GRIN3B: variants seen among roughly 807,000 people sequenced by gnomAD.
GRIN3B encodes the protein glutamate ionotropic receptor NMDA type subunit 3B.
GRIN3B carries 77 observed loss-of-function variants against 66.0 expected under a neutral mutation model. The ratio of observed to expected loss-of-function variants is 1.17; its 90% CI spans 0.97 to 1.41. GRIN3B has a LOEUF of 1.41. Among genes scored for constraint, GRIN3B ranks in the 40% most tolerant of loss-of-function variants. The pLI, the probability that GRIN3B is intolerant of heterozygous loss-of-function variation, is 0.00. For missense variants in GRIN3B, 1,787 were observed against 1,564.5 expected, an observed-to-expected ratio of 1.14 and a Z score of -2.40; for synonymous variants, 823 against 749.7, an observed-to-expected ratio of 1.10 and a Z score of -1.60.
At position 1,009,401 on chromosome 19, in the gene GRIN3B, C is replaced by T. The variant is rs942284221; in HGVS notation, c.2931C>T (p.Ala977=). The T allele has an allele frequency of 2.3e-5, 32 of 1,420,374 alleles. No individual in the cohort carries two copies. The African/African-American group carries it at 4.4e-4, about 19-fold the overall frequency. 88.0% of individuals were successfully genotyped at this position (1,420,374 alleles called of 1,614,324 possible). A position where few individuals can be genotyped will look rare whatever the true frequency, so the allele number is the denominator to read the frequency against. Residue 977 remains alanine, a synonymous_variant, in exon 9 of 9, where the codon GCC becomes GCT. Coordinates refer to ENST00000234389, the MANE Select transcript of GRIN3B (RefSeq NM_138690.3). ...CGCCCGCCGCAAGGCCCACGGGGGCCCCCCAGCCCGGGGAGCTGCAGGAGC... is the reference window on the plus strand; with the variant it reads ...CGCCCGCCGCAAGGCCCACGGGGGCTCCCCAGCCCGGGGAGCTGCAGGAGC... ...GRPPAARPTG[A]PQPGELQELE... is the part of the protein sequence containing the mutation.
chr19:1,005,981 G>A lies in GRIN3B; in HGVS notation c.2052+428G>A, dbSNP rs113455649. On this transcript the variant is annotated intron_variant, in intron 3 of 8. Coordinates refer to ENST00000234389, the MANE Select transcript of GRIN3B (RefSeq NM_138690.3). The surrounding 1 kb of genome is among the most constrained non-coding windows in gnomAD (Gnocchi z 5.2). ...ATGGCACCATTGCACTCTAGCCTGG[G>A]CAACAGAGCAAGACTCCGTCTCAAA... Among the ~76,000 whole-genome samples, 44,713 of 151,920 alleles carry A rather than the reference G, an allele frequency of 0.29. 7,384 individuals are homozygous for A. The highest frequency in any genetic ancestry group is 0.37 in the Non-Finnish European group (25,473 of 67,936).
In GRIN3B at chr19:1,003,451, G is replaced by C. The variant is rs767682153; in HGVS notation, c.748G>C (p.Glu250Gln). The C allele has an allele frequency of 1.8e-5, 27 of 1,539,526 alleles. No individual in the cohort carries two copies. The highest frequency in any genetic ancestry group is 9.8e-5 in the Admixed American group (5 of 51,144). ...CATCGCCCGTGCCCGTCGGGTGCTG[G>C]AGGCCGTACCTCCCGGCCCCCACTG... is the stretch of plus-strand genomic sequence containing the variant. Reference protein sequence around the residue: ...CDIARARRVLEAVPPGPHWLL... With the variant: ...CDIARARRVLQAVPPGPHWLL... Residue 250 changes from glutamate (E) to glutamine (Q), a missense_variant, in exon 2 of 9, where the codon GAG (glutamate) becomes CAG (glutamine). Physicochemically the swap from Glu to Gln is conservative, Grantham distance 29. Transcript: ENST00000234389.
intron 1 of GRIN3B, chr19:1,002,895 C>T: frequency 2.4e-6 from 1 of 410,418 alleles, no homozygotes; most frequent in East Asian, 3.6e-5. Context: ...CAAAAAACAC[C>T]AAGTGTGCCC....
chr19:1,003,386 G>A lies in GRIN3B; in HGVS notation c.683G>A (p.Gly228Asp), dbSNP rs1272925343. 6.4e-6 allele frequency: 10 copies of A among 1,564,982 alleles called. No individual in the cohort carries two copies. The highest frequency in any genetic ancestry group is 2.7e-5 in the African/African-American group (2 of 73,788). ...GCCCCGATGGCGGCGCCAGTGGGGGGTGAAGCACCGGTACCCGCGGCGGTC... is the reference window on the plus strand; with the variant it reads ...GCCCCGATGGCGGCGCCAGTGGGGGATGAAGCACCGGTACCCGCGGCGGTC... Reference protein sequence around the residue: ...RLAPMAAPVGGEAPVPAAVLL... With the variant: ...RLAPMAAPVGDEAPVPAAVLL... The change falls in exon 2 of 9, where the codon GGT becomes GAT. Residue 228 changes from glycine (G) to aspartate (D), a missense_variant. Gly to Asp is a moderately conservative substitution (Grantham distance 94, BLOSUM62 -1). Coordinates refer to ENST00000234389, the MANE Select transcript of GRIN3B (RefSeq NM_138690.3).
In GRIN3B at chr19:1,004,730, G is replaced by T. The variant is rs755376191; in HGVS notation, c.1229G>T (p.Gly410Val). The T allele has an allele frequency of 8.1e-6, 13 of 1,607,308 alleles. No homozygotes were observed. Among genetic ancestry groups the T allele is most frequent in the South Asian group, 1.1e-5 (1 of 90,728 alleles). Residue 410 changes from glycine to valine, a missense_variant, in exon 3 of 9, where the codon GGT (glycine) becomes GTT (valine). By Grantham distance (109) the Gly-to-Val change is moderately radical. Coordinates refer to ENST00000234389, the MANE Select transcript of GRIN3B (RefSeq NM_138690.3). The part of the protein sequence containing the change: ...GASARPPPPQ[G>V]AQVWPKLRVV... Reference sequence around the variant, plus strand: ...TCTGCACGGCCCCCGCCCCCACAGGGTGCCCAGGTCTGGCCCAAGCTGCGT... The same window carrying T: ...TCTGCACGGCCCCCGCCCCCACAGGTTGCCCAGGTCTGGCCCAAGCTGCGT...
chr19:1,002,221 C>T (rs946192232), intron 1 of GRIN3B: 5 of 151,928 alleles, frequency 3.3e-5, no homozygotes, highest in African/African-American at 1.2e-4. Context: ...CCCAGCTACT[C>T]AGGATATATA....
rs1599458805 is a variant in GRIN3B at position 1,005,670 on chromosome 19, G to T, written c.2052+117G>T. On this transcript the variant is annotated intron_variant, in intron 3 of 8. Transcript: ENST00000234389. This position sits in a 1 kb window ranked among gnomAD's most constrained non-coding sequence, Gnocchi z 5.2. ...GGAGGACGTCCACTAGGCCAACTCT[G>T]GTCCCAAGAGACATTTATTCAATTA... 1 of 732,990 alleles carries T rather than the reference G, an allele frequency of 1.4e-6. No homozygotes were observed. Among genetic ancestry groups the T allele is most frequent in the East Asian group, 2.8e-5 (1 of 36,316 alleles). The allele number at this position is 732,990 out of a possible 1,614,324, so 45.4% of individuals were successfully genotyped here.
Position 1,005,394 on chromosome 19 carries a change from C to A in GRIN3B, c.1893C>A (p.Thr631=). Residue 631 remains threonine (T), a synonymous_variant, in exon 3 of 9, where the codon ACC becomes ACA. Coordinates refer to ENST00000234389, the MANE Select transcript of GRIN3B (RefSeq NM_138690.3). The surrounding 1 kb of genome is among the most constrained non-coding windows in gnomAD (Gnocchi z 5.2). ...GCTACGCCATCCTCTTCAGACGCACCGTGTCCAGCAAGACGCCCAAGTGCC... is the reference window on the plus strand; with the variant it reads ...GCTACGCCATCCTCTTCAGACGCACAGTGTCCAGCAAGACGCCCAAGTGCC... ...NLCYAILFRR[T]VSSKTPKCPT... 6.2e-7 allele frequency: 1 copy of A among 1,613,726 alleles called. No homozygotes were observed. Among genetic ancestry groups the A allele is most frequent in the South Asian group, 1.1e-5 (1 of 91,084 alleles).
rs757445840 is a variant in GRIN3B, at chr19:1,007,824, C to T, written c.2199-32C>T. The T allele has an allele frequency of 6.4e-7, 1 of 1,561,130 alleles. No homozygotes were observed. The highest frequency in any genetic ancestry group is 8.7e-7 in the Non-Finnish European group (1 of 1,151,954). On this transcript the variant is annotated intron_variant, in intron 4 of 8. Transcript: ENST00000234389. The surrounding 1 kb of genome is among the most constrained non-coding windows in gnomAD (Gnocchi z 4.4). Reference sequence around the variant, plus strand: ...GGGGCGGGGCGTGGGGTGGGCGGGGCGATGGCTGACCCCCGCCCCCGGCCC... The same window carrying T: ...GGGGCGGGGCGTGGGGTGGGCGGGGTGATGGCTGACCCCCGCCCCCGGCCC...
Position 1,006,782 on chromosome 19 carries a change from C to T in GRIN3B, c.2053-846C>T, listed in dbSNP as rs148231415. On this transcript the variant is annotated intron_variant, in intron 3 of 8. Coordinates refer to ENST00000234389, the MANE Select transcript of GRIN3B (RefSeq NM_138690.3). ...TGTCAGGTGAGCCGACTGCTGCCGG[C>T]GGCTCTTCCAATGTAAACGCTGCAC... 2.3e-3 allele frequency among the ~76,000 whole-genome samples: 345 copies of T among 152,304 alleles called. 5 individuals carry two copies. Among genetic ancestry groups the T allele is most frequent in the Admixed American group, 0.017 (259 of 15,296 alleles).
rs996874188 is a variant in GRIN3B, at chr19:1,009,718, G to A, written c.*116G>A. On this transcript the variant is annotated 3_prime_UTR_variant, in exon 9 of 9. Transcript: ENST00000234389. ...TTGTACACTGCAATTAAATAGAATG[G>A]AATGAGCGCTCCTCCGCATTCCTCC... 1.1e-6 allele frequency: 1 copy of A among 905,992 alleles called. No homozygotes were observed. 56.1% of individuals were successfully genotyped at this position (905,992 alleles called of 1,614,324 possible). A position where few individuals can be genotyped will look rare whatever the true frequency, so the allele number is the denominator to read the frequency against.
intron 1 of GRIN3B, chr19:1,002,847 GA>G: frequency 2.8e-6 from 1 of 353,650 alleles, no homozygotes; most frequent in Non-Finnish European, 5.1e-6. Context: ...GAGAGAGAAA[GA>G]TATTCCATCC....
chr19:1,006,332 T>C (rs112610628), intron 3 of GRIN3B, among the ~76,000 whole-genome samples: 1 of 150,512 alleles, frequency 6.6e-6, no homozygotes, highest in Non-Finnish European at 1.5e-5. Context: ...TTCAGTAGAG[T>C]TGGCGGGTTT....
Position 1,005,490 on chromosome 19 carries a change from C to T in GRIN3B, c.1989C>T (p.Asn663=), listed in dbSNP as rs2038738666. ...CLLVLSSYTA[N]LAAVMVGDKT... ...TGGTGCTGTCCAGCTACACGGCCAA[C>T]CTGGCTGCCGTCATGGTCGGGGACA... The change falls in exon 3 of 9, where the codon AAC becomes AAT. Residue 663 remains asparagine, a synonymous_variant. Transcript: ENST00000234389. The surrounding 1 kb of genome is among the most constrained non-coding windows in gnomAD (Gnocchi z 5.2). The T allele has an allele frequency of 6.2e-7, 1 of 1,613,180 alleles. No homozygotes were observed. Among genetic ancestry groups the T allele is most frequent in the Admixed American group, 1.7e-5 (1 of 60,022 alleles).
rs1223110899 is a variant in GRIN3B, at chr19:1,004,699, G to A, written c.1198G>A (p.Gly400Ser). Residue 400 changes from glycine (G) to serine (S), a missense_variant, in exon 3 of 9, where the codon GGT (glycine) becomes AGT (serine). Coordinates refer to ENST00000234389, the MANE Select transcript of GRIN3B (RefSeq NM_138690.3). ...RDGQLDLEPG[G>S]ASARPPPPQG... The stretch of plus-strand genomic sequence containing the variant: ...CGGCCAGCTGGACTTGGAACCGGGA[G>A]GTGCCTCTGCACGGCCCCCGCCCCC... The A allele has an allele frequency of 3.1e-6, 5 of 1,604,034 alleles. No homozygotes were observed. The highest frequency in any genetic ancestry group is 4.3e-6 in the Non-Finnish European group (5 of 1,174,910).
At chr19:1,006,407 G>T (rs774701372) in intron 3 of GRIN3B, among the ~76,000 whole-genome samples, 5 of 152,058 alleles carry the variant, frequency 3.3e-5, no homozygotes, top group Non-Finnish European at 7.4e-5. Context: ...GGCCTCCCAA[G>T]TGCTGGGATC....
chr19:1,001,589 C>T (rs1415952817), intron 1 of GRIN3B, among the ~76,000 whole-genome samples: 1 of 152,112 alleles, frequency 6.6e-6, no homozygotes, highest in Non-Finnish European at 1.5e-5. Flanking sequence ...AACAAGCCCC[C>T]TCCCGTGGCC....
chr19:1,001,913 C>A (rs994851060), intron 1 of GRIN3B: 1 of 152,212 alleles, frequency 6.6e-6, no homozygotes, highest in Admixed American at 6.5e-5. Context: ...ACTGGCTTGG[C>A]CCCCTGGGGA....
Position 1,003,324 on chromosome 19 carries a change from G to T in GRIN3B, c.621G>T (p.Arg207=). 6.4e-7 allele frequency: 1 copy of T among 1,574,056 alleles called. No homozygotes were observed. The part of the protein sequence containing the change: ...RPPQLVLDLS[R]RDTGDAGLRA... ...CACAGCTGGTCCTGGACCTAAGCCG[G>T]CGGGACACGGGAGATGCAGGACTGC... Residue 207 remains arginine (R), a synonymous_variant, in exon 2 of 9, where the codon CGG becomes CGT. Transcript: ENST00000234389.
Sources: allele counts gnomAD v4.1 joint callset (sites outside exome capture counted in the v4.1 genomes callset), GRCh38; gene constraint gnomAD v4.1.1; non-coding constraint Gnocchi (gnomAD v3.1); transcripts MANE v1.5; gene names NCBI Gene and HGNC (gene_info 2026-07-23, HGNC 2026-07-21).